The following CCN1 variants were observed in gnomAD, a reference collection of about 807,000 sequenced individuals.
CCN1 encodes the protein CCN family member 1.
A neutral mutation model predicts 38.1 loss-of-function variants in CCN1; 12 were observed. That is an observed-to-expected ratio of 0.31 (90% CI 0.20 to 0.51). The LOEUF is 0.51. CCN1 is among the 20% of genes least tolerant of loss of function. The probability of loss-of-function intolerance (pLI) is 0.97; values close to 1 mark genes in which losing one functional copy is unlikely to be tolerated. For missense variants in CCN1, 466 were observed against 490.9 expected (o/e 0.95, Z 0.48); for synonymous variants, 202 against 196.1 (o/e 1.03, Z -0.25).
chr1:85,581,734 C>A (rs138327040), intron 2 of CCN1, 156 bp downstream of exon 2: 5 of 1,138,110 alleles, frequency 4.4e-6, no homozygotes, highest in Admixed American at 3.9e-5. Flanking sequence ...TTCAGTGTGT[C>A]TGGGCCCAAC....
In CCN1 at chr1:85,581,357, C is replaced by G. The variant is rs751703185; in HGVS notation, c.64-8C>G. ...CCGAGTCTCACGCGTATCTTCTCCC[C>G]CTTCCAGGCGCTCTCCACCTGCCCC... is the stretch of plus-strand genomic sequence containing the variant. On this transcript the variant is annotated splice_polypyrimidine_tract_variant and splice_region_variant and intron_variant, in intron 1 of 4. Transcript: ENST00000451137. 14 of 1,571,450 alleles carry G rather than the reference C, an allele frequency of 8.9e-6. No homozygotes were observed. Among genetic ancestry groups the G allele is most frequent in the South Asian group, 1.2e-5 (1 of 86,628 alleles).
chr1:85,581,343 G>C (rs1183165214), intron 1 of CCN1, 22 bp from the exon 2 acceptor site: 5 of 1,550,110 alleles, frequency 3.2e-6, no homozygotes, highest in Non-Finnish European at 4.3e-6. Flanking sequence ...CGAGTCTCAC[G>C]CGTATCTTCT....
chr1:85,582,441 A>C lies in CCN1; in HGVS notation c.660A>C (p.Leu220=), dbSNP rs1804662. 95 of 1,614,038 alleles carry C rather than the reference A, an allele frequency of 5.9e-5. No individual in the cohort carries two copies. The highest frequency in any genetic ancestry group is 7.9e-5 in the Non-Finnish European group (93 of 1,180,022). ...TTTTTGGAATGGAGCCTCGCATCCT[A>C]TACAACCCTTTACAAGGCCAGAAAT... The part of the protein sequence containing the change: ...LPVFGMEPRI[L]YNPLQGQKCI... The change falls in exon 4 of 5, where the codon CTA becomes CTC. Residue 220 remains leucine (L), a synonymous_variant. Coordinates refer to ENST00000451137, the MANE Select transcript of CCN1 (RefSeq NM_001554.5).
intron 1 of CCN1, 116 bp from the exon 2 acceptor site, chr1:85,581,249 C>A: frequency 1.6e-6 from 2 of 1,256,408 alleles, no homozygotes; most frequent in Non-Finnish European, 2.2e-6. Flanking sequence ...CCGGGCTGGA[C>A]GAGATCAGAG....
rs762491448 is a variant in CCN1, at chr1:85,582,228, C to T, written c.578C>T (p.Thr193Met). Residue 193 changes from threonine to methionine, a missense_variant, in exon 3 of 5, where the codon ACG becomes ATG. Physicochemically the swap from Thr to Met is moderately conservative, Grantham distance 81. Around this residue, in one of 3 missense-constraint regions of CCN1, gnomAD observed 309 missense variants for 319.9 expected, o/e 0.97. Transcript: ENST00000451137. ...LGFDASEVELTRNNELIAVGK... is the reference protein window; with the variant it reads ...LGFDASEVELMRNNELIAVGK... ...TTCGATGCCTCCGAGGTGGAGTTGA[C>T]GAGAAACAATGAATTGATTGCAGTT... The T allele has an allele frequency of 5.0e-6, 8 of 1,613,966 alleles. No individual in the cohort carries two copies. In the Admixed American group the frequency reaches 6.7e-5, roughly 13 times the overall value.
rs971107057 is a variant in CCN1, at chr1:85,581,284, C to T, written c.64-81C>T. ...GGCTCCCCGTCGATAGGGTCGGAGA[C>T]CCCCGTCCCTCACTGCGGCAGCCGC... On this transcript the variant is annotated intron_variant, in intron 1 of 4. Coordinates refer to ENST00000451137, the MANE Select transcript of CCN1 (RefSeq NM_001554.5). 255 of 1,386,348 alleles carry T rather than the reference C, an allele frequency of 1.8e-4. No individual in the cohort carries two copies. In the South Asian group the frequency reaches 3.3e-3, roughly 18 times the overall value. 85.9% of individuals were successfully genotyped at this position (1,386,348 alleles called of 1,614,324 possible). A position where few individuals can be genotyped will look rare whatever the true frequency, so the allele number is the denominator to read the frequency against.
chr1:85,582,976 G>C lies in CCN1; in HGVS notation c.1080G>C (p.Pro360=), dbSNP rs9658588. 1 of 1,614,126 alleles carries C rather than the reference G, an allele frequency of 6.2e-7. No homozygotes were observed. Among genetic ancestry groups the C allele is most frequent in the Non-Finnish European group, 8.5e-7 (1 of 1,179,974 alleles). ...CCTGCAAATGCAACTACAACTGCCCGCATGCCAATGAAGCAGCGTTTCCCT... is the reference window on the plus strand; with the variant it reads ...CCTGCAAATGCAACTACAACTGCCCCCATGCCAATGAAGCAGCGTTTCCCT... ...IQSCKCNYNC[P]HANEAAFPFY... Residue 360 remains proline (P), a synonymous_variant, in exon 5 of 5, where the codon CCG becomes CCC. Transcript: ENST00000451137.
intron 2 of CCN1, 99 bp from the exon 3 acceptor site, chr1:85,581,829 A>C (rs751435501): frequency 7.5e-7 from 1 of 1,327,834 alleles, no homozygotes. Context: ...CTTTACCATA[A>C]ATTGAATTTA....
In CCN1 at chr1:85,583,276, CAT is replaced by C; in HGVS notation, c.*235_*236del. ...TACTTTGCTTCATAGTATTGGAGCA[CAT>C]GTTACTGCTTCATTTTGGAGCTTGT... is the stretch of plus-strand genomic sequence containing the variant. On this transcript the variant is annotated 3_prime_UTR_variant, in exon 5 of 5. Coordinates refer to ENST00000451137, the MANE Select transcript of CCN1 (RefSeq NM_001554.5). 1.9e-6 allele frequency: 1 copy of C among 513,162 alleles called. No homozygotes were observed. Among genetic ancestry groups the C allele is most frequent in the South Asian group, 3.4e-5 (1 of 29,262 alleles). The allele number at this position is 513,162 out of a possible 1,614,324, so 31.8% of individuals were successfully genotyped here.
Position 85,583,326 on chromosome 1 carries a change from C to A in CCN1, c.*284C>A. On this transcript the variant is annotated 3_prime_UTR_variant, in exon 5 of 5. Coordinates refer to ENST00000451137, the MANE Select transcript of CCN1 (RefSeq NM_001554.5). ...TGTGGAGTTGATGACTTTCTGTTTT[C>A]TGTTTGTAAATTATTTGCTAAGCAT... 1 of 406,472 alleles carries A rather than the reference C, an allele frequency of 2.5e-6. No individual in the cohort carries two copies. Among genetic ancestry groups the A allele is most frequent in the South Asian group, 5.6e-5 (1 of 17,896 alleles). 25.2% of individuals were successfully genotyped at this position (406,472 alleles called of 1,614,324 possible).
In CCN1 at chr1:85,581,367, G is replaced by A. The variant is rs1420115781; in HGVS notation, c.66G>A (p.Ala22=). Residue 22 remains alanine (A), a splice_region_variant and synonymous_variant, in exon 2 of 5, where the codon GCG becomes GCA. Coordinates refer to ENST00000451137, the MANE Select transcript of CCN1 (RefSeq NM_001554.5). ...CGCGTATCTTCTCCCCCTTCCAGGC[G>A]CTCTCCACCTGCCCCGCTGCCTGCC... ...VVTLLHLTRL[A]LSTCPAACHC... The A allele has an allele frequency of 2.5e-6, 4 of 1,581,510 alleles. No homozygotes were observed. In the Admixed American group the frequency reaches 5.2e-5, roughly 21 times the overall value.
rs1557782881 is a variant in CCN1 at position 85,581,353 on chromosome 1, T to C, written c.64-12T>C. ...CGCGCCGAGTCTCACGCGTATCTTCTCCCCCTTCCAGGCGCTCTCCACCTG... is the reference window on the plus strand; with the variant it reads ...CGCGCCGAGTCTCACGCGTATCTTCCCCCCCTTCCAGGCGCTCTCCACCTG... On this transcript the variant is annotated splice_polypyrimidine_tract_variant and intron_variant, in intron 1 of 4. Transcript: ENST00000451137. The C allele has an allele frequency of 1.9e-6, 3 of 1,565,232 alleles. No homozygotes were observed. Among genetic ancestry groups the C allele is most frequent in the Non-Finnish European group, 2.6e-6 (3 of 1,157,672 alleles).
intron 2 of CCN1, 112 bp downstream of exon 2, chr1:85,581,690 G>A (rs1202908651): frequency 5.9e-6 from 8 of 1,345,582 alleles, no homozygotes; most frequent in African/African-American, 1.4e-5. Context: ...TAGCTTGGCA[G>A]AAAGGCACAT....
Position 85,581,530 on chromosome 1 carries a change from G to A in CCN1, c.229G>A (p.Glu77Lys). The A allele has an allele frequency of 6.2e-7, 1 of 1,614,006 alleles. No homozygotes were observed. The highest frequency in any genetic ancestry group is 8.5e-7 in the Non-Finnish European group (1 of 1,180,030). The part of the protein sequence containing the change: ...TQPCDHTKGL[E>K]CNFGASSTAL... ...GCCCTGCGACCACACCAAGGGGCTGGAATGCAACTTCGGCGCCAGCTCCAC... is the reference window on the plus strand; with the variant it reads ...GCCCTGCGACCACACCAAGGGGCTGAAATGCAACTTCGGCGCCAGCTCCAC... The change falls in exon 2 of 5, where the codon GAA (glutamate) becomes AAA (lysine). Residue 77 changes from glutamate to lysine, a missense_variant. Transcript: ENST00000451137.
chr1:85,581,615 A>T, intron 2 of CCN1, 37 bp downstream of exon 2: 2 of 1,593,434 alleles, frequency 1.3e-6, no homozygotes, highest in Non-Finnish European at 1.7e-6. Flanking sequence ...TAAAAAAAAT[A>T]CTAGTCCCCA....
Position 85,582,576 on chromosome 1 carries a change from G to T in CCN1, c.795G>T (p.Arg265=). Residue 265 remains arginine (R), a synonymous_variant, in exon 4 of 5, where the codon CGG becomes CGT. Coordinates refer to ENST00000451137, the MANE Select transcript of CCN1 (RefSeq NM_001554.5). ...NPECRLVKET[R]ICEVRPCGQP... is the part of the protein sequence containing the mutation. ...AGTGCCGCCTTGTGAAAGAAACCCG[G>T]ATTTGTGAGGTGCGGCCTTGTGGAC... 1 of 1,614,164 alleles carries T rather than the reference G, an allele frequency of 6.2e-7. No homozygotes were observed. Among genetic ancestry groups the T allele is most frequent in the Non-Finnish European group, 8.5e-7 (1 of 1,180,042 alleles).
At position 85,583,149 on chromosome 1, in the gene CCN1, T is replaced by C; in HGVS notation, c.*107T>C. On this transcript the variant is annotated 3_prime_UTR_variant, in exon 5 of 5. Transcript: ENST00000451137. ...GGGTGGTGTGGGTGATGGGACTCATTGTAGAAAGGAAGCCTTGCTCATTCT... is the reference window on the plus strand; with the variant it reads ...GGGTGGTGTGGGTGATGGGACTCATCGTAGAAAGGAAGCCTTGCTCATTCT... 1 of 1,208,708 alleles carries C rather than the reference T, an allele frequency of 8.3e-7. No homozygotes were observed. Among genetic ancestry groups the C allele is most frequent in the Non-Finnish European group, 1.2e-6 (1 of 860,660 alleles). The allele number at this position is 1,208,708 out of a possible 1,614,324, so 74.9% of individuals were successfully genotyped here. A position where few individuals can be genotyped will look rare whatever the true frequency, so the allele number is the denominator to read the frequency against.
rs1659828594 is a variant in CCN1, at chr1:85,583,146, C to T, written c.*104C>T. ...CGGGGGTGGTGTGGGTGATGGGACT[C>T]ATTGTAGAAAGGAAGCCTTGCTCAT... On this transcript the variant is annotated 3_prime_UTR_variant, in exon 5 of 5. Coordinates refer to ENST00000451137, the MANE Select transcript of CCN1 (RefSeq NM_001554.5). The T allele has an allele frequency of 8.1e-6, 10 of 1,237,820 alleles. No homozygotes were observed. Among genetic ancestry groups the T allele is most frequent in the Admixed American group, 2.1e-5 (1 of 47,058 alleles). 76.7% of individuals were successfully genotyped at this position (1,237,820 alleles called of 1,614,324 possible). A position where few individuals can be genotyped will look rare whatever the true frequency, so the allele number is the denominator to read the frequency against.
chr1:85,581,869 G>A (rs779541788), intron 2 of CCN1, 59 bp from the exon 3 acceptor site: 6 of 1,510,344 alleles, frequency 4.0e-6, no homozygotes, highest in Non-Finnish European at 5.5e-6. Flanking sequence ...AGTTTCAGGC[G>A]GTGGTTTGGA....
Sources: gnomAD v4.1 joint callset for allele counts on GRCh38, gnomAD v4.1.1 for gene constraint, gnomAD v4.1.1 regional missense constraint, MANE v1.5 for transcripts, NCBI Gene and HGNC (gene_info 2026-07-23, HGNC 2026-07-21) for gene names.